Variants in PTGR1 observed in about 807,000 individuals in gnomAD.
PTGR1 encodes 15-oxoprostaglandin 13-reductase.
Under a neutral mutation model 37.7 loss-of-function variants are expected in PTGR1, and 23 were observed. The ratio of observed to expected loss-of-function variants is 0.61; its 90% CI spans 0.44 to 0.86. PTGR1 has a LOEUF of 0.86. PTGR1 is among the 40% of genes least tolerant of loss of function. The pLI, the probability that PTGR1 is intolerant of heterozygous loss-of-function variation, is 0.00. For missense variants in PTGR1, 351 were observed against 394.3 expected, an observed-to-expected ratio of 0.89 and a Z score of 0.93; for synonymous variants, 134 against 140.0, an observed-to-expected ratio of 0.96 and a Z score of 0.30.
chr9:111,573,072 C>A (rs1463936355), intron 8 of PTGR1, among the ~76,000 whole-genome samples: 1 of 152,140 alleles, frequency 6.6e-6, no homozygotes, highest in Non-Finnish European at 1.5e-5. Flanking sequence ...ATGGAACGGA[C>A]AAGGCCAGCT....
At chr9:111,560,503 T>G (rs1589288218), downstream of PTGR1, among the ~76,000 whole-genome samples, 1 of 141,844 alleles carries the variant, frequency 7.1e-6, no homozygotes, top group South Asian at 2.2e-4. Context: ...CAGCCGGGCA[T>G]GGTGGCAGGC....
At chr9:111,584,344 T>A (rs557565241) in intron 5 of PTGR1, among the ~76,000 whole-genome samples, 4 of 152,238 alleles carry the variant, frequency 2.6e-5, no homozygotes, top group African/African-American at 7.2e-5. Context: ...CAGAGGAGAA[T>A]AGAGAGGAAG....
At chr9:111,591,707 T>C (rs1829627348) in intron 4 of PTGR1, among the ~76,000 whole-genome samples, 1 of 152,180 alleles carries the variant, frequency 6.6e-6, no homozygotes, top group Non-Finnish European at 1.5e-5. Flanking sequence ...ATAGTTGTCT[T>C]TAAGGTTCAG....
chr9:111,588,937 G>A (rs932914808), intron 4 of PTGR1, among the ~76,000 whole-genome samples: 2 of 152,126 alleles, frequency 1.3e-5, no homozygotes, highest in African/African-American at 2.4e-5. Context: ...AGGAATGAGC[G>A]ACTGCACCTG....
intron 7 of PTGR1, among the ~76,000 whole-genome samples, chr9:111,578,486 G>A (rs909516978): frequency 3.3e-5 from 5 of 152,146 alleles, no homozygotes; most frequent in African/African-American, 4.8e-5. Context: ...TGAGTAGTGC[G>A]ATCTCCATAA....
At chr9:111,593,869 G>C (rs914601350) in intron 3 of PTGR1, among the ~76,000 whole-genome samples, 2 of 151,090 alleles carry the variant, frequency 1.3e-5, no homozygotes, top group African/African-American at 4.9e-5. Context: ...TGTATTTTTA[G>C]TAGAGACAGG....
intron 5 of PTGR1, among the ~76,000 whole-genome samples, chr9:111,584,183 G>A (rs1829362450): frequency 1.3e-5 from 2 of 152,230 alleles, no homozygotes; most frequent in African/African-American, 2.4e-5. Flanking sequence ...TACTGATGGG[G>A]ACTGGGTGAA....
At chr9:111,574,905 T>A in intron 7 of PTGR1, 63 bp from the exon 8 acceptor site, 1 of 1,306,992 alleles carries the variant, frequency 7.7e-7, no homozygotes, top group Non-Finnish European at 1.1e-6. Flanking sequence ...GGAGAATCAT[T>A]AAGTCACAAG....
chr9:111,565,071 C>T (rs760658109), intron 9 of PTGR1, among the ~76,000 whole-genome samples: 1 of 151,964 alleles, frequency 6.6e-6, no homozygotes, highest in Non-Finnish European at 1.5e-5. Context: ...TTGCAGTGAA[C>T]GGAGATCGCA....
chr9:111,576,502 C>T (rs1208587092), intron 7 of PTGR1: 11 of 1,561,740 alleles, frequency 7.0e-6, no homozygotes, highest in East Asian at 2.3e-5. Context: ...GGCTCTGGTT[C>T]GGGGAAGAGC....
At chr9:111,559,710 C>A (rs1424659125), downstream of PTGR1, among the ~76,000 whole-genome samples, 1 of 152,154 alleles carries the variant, frequency 6.6e-6, no homozygotes, top group African/African-American at 2.4e-5. Flanking sequence ...CGGTGCATGA[C>A]CTCTTTGCTC....
rs188757599 is a variant in PTGR1 at position 111,589,607 on chromosome 9, A to G, written c.209+3319T>C. Among the ~76,000 whole-genome samples the G allele has an allele frequency of 1.2e-3, 182 of 152,104 alleles. 2 individuals carry two copies. Among genetic ancestry groups the G allele is most frequent in the African/African-American group, 4.0e-3 (166 of 41,506 alleles). ...TAAATGACTCAAAATTTTTGTCATA[A>G]AAAATTAAAGTATAAAATACAGAAA... On this transcript the variant is annotated intron_variant, in intron 4 of 9. Coordinates refer to ENST00000407693, the MANE Select transcript of PTGR1 (RefSeq NM_001146108.2).
chr9:111,588,118 T>C (rs1020910301), intron 4 of PTGR1, among the ~76,000 whole-genome samples: 2 of 151,374 alleles, frequency 1.3e-5, no homozygotes, highest in East Asian at 3.9e-4. Flanking sequence ...TGAGCTCAAA[T>C]GATCCTCCCA....
rs572770275 is a variant in PTGR1 at position 111,586,221 on chromosome 9, G to C, written c.210-56C>G. 2.6e-6 allele frequency: 4 copies of C among 1,559,774 alleles called. No homozygotes were observed. The African/African-American group carries it at 5.4e-5, about 21-fold the overall frequency. On this transcript the variant is annotated intron_variant, in intron 4 of 9. Transcript: ENST00000407693. ...GCATGTGACATGTCTTCCCTTTCAA[G>C]GGAGTCAGGATGCTGTGTGGTTAGT...
At chr9:111,598,280 T>G (rs550614279) in intron 1 of PTGR1, among the ~76,000 whole-genome samples, 1 of 152,288 alleles carries the variant, frequency 6.6e-6, no homozygotes, top group South Asian at 2.1e-4. Flanking sequence ...GACTGAACTC[T>G]GCCGAATCAC....
intron 3 of PTGR1, among the ~76,000 whole-genome samples, chr9:111,593,558 C>A (rs1441232190): frequency 6.6e-6 from 1 of 152,200 alleles, no homozygotes; most frequent in Non-Finnish European, 1.5e-5. Flanking sequence ...CACAGATTCA[C>A]CTACATTAAA....
At chr9:111,558,722 ATG>A (rs1828193318), downstream of PTGR1, among the ~76,000 whole-genome samples, 1 of 152,140 alleles carries the variant, frequency 6.6e-6, no homozygotes, top group African/African-American at 2.4e-5. Context: ...ACTCATTTAT[ATG>A]TGTGTCTATG....
At chr9:111,550,099 G>T (rs1019302300) in intron 9 of PTGR1, among the ~76,000 whole-genome samples, 1 of 152,032 alleles carries the variant, frequency 6.6e-6, no homozygotes, top group Non-Finnish European at 1.5e-5. Context: ...TTGTTTTACT[G>T]TCATAGGCTG....
At position 111,578,959 on chromosome 9, in the gene PTGR1, G is replaced by GGA. The variant is rs746833336; in HGVS notation, c.496-9_496-8insTC. 72 of 1,246,928 alleles carry GGA rather than the reference G, an allele frequency of 5.8e-5. No homozygotes were observed. The highest frequency in any genetic ancestry group is 4.6e-4 in the East Asian group (16 of 34,492). 77.2% of individuals were successfully genotyped at this position (1,246,928 alleles called of 1,614,324 possible). A position where few individuals can be genotyped will look rare whatever the true frequency, so the allele number is the denominator to read the frequency against. On this transcript the variant is annotated splice_polypyrimidine_tract_variant and intron_variant, in intron 6 of 9. Coordinates refer to ENST00000407693, the MANE Select transcript of PTGR1 (RefSeq NM_001146108.2). ...TCCAACAACTTTGCAGCCCTAAGTA[G>GGA]AAAAAAAAAAAAAAAGGAAACCATG...
Sources: gnomAD v4.1 joint callset for allele counts (sites outside exome capture counted in the v4.1 genomes callset) on GRCh38, gnomAD v4.1.1 for gene constraint, MANE v1.5 for transcripts, NCBI Gene and HGNC (gene_info 2026-07-23, HGNC 2026-07-21) for gene names.